Variants in DROSHA observed in about 807,000 individuals in gnomAD.
DROSHA encodes ribonuclease 3.
DROSHA carries 56 observed loss-of-function variants against 181.9 expected under a neutral mutation model. That is an observed-to-expected ratio of 0.31 (90% confidence interval 0.25 to 0.38). The LOEUF (loss-of-function observed/expected upper bound fraction) is 0.38. Among genes scored for constraint, DROSHA ranks in the 10% least tolerant of loss-of-function variants. The pLI, the probability that DROSHA is intolerant of heterozygous loss-of-function variation, is 1.00. For synonymous variants in DROSHA, 524 were observed against 591.2 expected, an observed-to-expected ratio of 0.89 and a Z score of 1.65; for missense variants, 1,218 against 1,743.5, an observed-to-expected ratio of 0.70 and a Z score of 5.37.
At chr5:31,446,727 T>C (rs548319794) in intron 23 of DROSHA, among the ~76,000 whole-genome samples, 1 of 149,244 alleles carries the variant, frequency 6.7e-6, no homozygotes, top group African/African-American at 2.5e-5. Flanking sequence ...CTAAATGCCC[T>C]TCAGTGATAG....
chr5:31,525,094 G>A (rs1411183232), intron 5 of DROSHA, among the ~76,000 whole-genome samples: 1 of 152,022 alleles, frequency 6.6e-6, no homozygotes, highest in African/African-American at 2.4e-5. Context: ...ACTTTGGGAG[G>A]CCGAGGGGGG....
chr5:31,519,430 C>T (rs1739627086), intron 6 of DROSHA, among the ~76,000 whole-genome samples: 1 of 152,170 alleles, frequency 6.6e-6, no homozygotes, highest in East Asian at 1.9e-4. Flanking sequence ...ATCAAACGCA[C>T]TTACAGCACT....
chr5:31,435,712 C>T (rs759552747), intron 25 of DROSHA, 53 bp downstream of exon 25: 21 of 1,526,516 alleles, frequency 1.4e-5, no homozygotes, highest in South Asian at 2.3e-5. Context: ...TATGCATGGA[C>T]CGCAGAAGAG....
In DROSHA at chr5:31,446,318, G is replaced by T. The variant is rs966181309; in HGVS notation, c.2882+2229C>A. Among the ~76,000 whole-genome samples the T allele has an allele frequency of 2.0e-5, 3 of 151,878 alleles. No homozygotes were observed. In the East Asian group the frequency reaches 5.8e-4, roughly 30 times the overall value. On this transcript the variant is annotated intron_variant, in intron 23 of 35. Transcript: ENST00000344624. ...AAAAATTAGCCGGGTGTGGTGGCGG[G>T]CGCCTGTAGTCCCAGCTACTCGGTA...
chr5:31,419,322 A>G (rs1204459320), intron 30 of DROSHA, among the ~76,000 whole-genome samples: 2 of 152,230 alleles, frequency 1.3e-5, no homozygotes, highest in Non-Finnish European at 1.5e-5. Flanking sequence ...ATAATTCAAA[A>G]AGCCTTCACA....
Position 31,401,571 on chromosome 5 carries a change from A to T in DROSHA, c.3995-9T>A. Reference sequence around the variant, plus strand: ...CATCTGGGGAAAATTATCTGACACAAGGAAATATATTTTATATTTAATAAA... The same window carrying T: ...CATCTGGGGAAAATTATCTGACACATGGAAATATATTTTATATTTAATAAA... On this transcript the variant is annotated splice_polypyrimidine_tract_variant and intron_variant, in intron 35 of 35. Coordinates refer to ENST00000344624, the MANE Select transcript of DROSHA (RefSeq NM_001382508.1). 6.5e-7 allele frequency: 1 copy of T among 1,533,822 alleles called. No individual in the cohort carries two copies. The highest frequency in any genetic ancestry group is 8.8e-7 in the Non-Finnish European group (1 of 1,140,096).
intron 16 of DROSHA, among the ~76,000 whole-genome samples, chr5:31,479,687 T>C (rs1412511254): frequency 6.6e-6 from 1 of 152,144 alleles, no homozygotes; most frequent in Admixed American, 6.5e-5. Context: ...GTATTAGATA[T>C]ATATATATTC....
chr5:31,413,253 A>C (rs1741535021), intron 30 of DROSHA, among the ~76,000 whole-genome samples: 1 of 152,196 alleles, frequency 6.6e-6, no homozygotes, highest in Non-Finnish European at 1.5e-5. Flanking sequence ...GGCCAATAAT[A>C]AGTGAGATCT....
At chr5:31,500,563 C>T (rs761565422) in intron 11 of DROSHA, among the ~76,000 whole-genome samples, 1 of 152,210 alleles carries the variant, frequency 6.6e-6, no homozygotes, top group East Asian at 1.9e-4. Flanking sequence ...AAAGTATCTA[C>T]AGCTGGAAAA....
intron 33 of DROSHA, chr5:31,408,595 A>G (rs1283216955): frequency 1.9e-5 from 3 of 158,834 alleles, no homozygotes; most frequent in Admixed American, 5.9e-5. Flanking sequence ...TCTGAGAAGA[A>G]AAGTTCCAAG....
chr5:31,412,285 A>G (rs1377455357), intron 30 of DROSHA, among the ~76,000 whole-genome samples: 1 of 152,178 alleles, frequency 6.6e-6, no homozygotes, highest in Non-Finnish European at 1.5e-5. Flanking sequence ...TACAACTACA[A>G]CTTTTCTTAG....
At chr5:31,413,995 G>A (rs889232296) in intron 30 of DROSHA, among the ~76,000 whole-genome samples, 2 of 152,174 alleles carry the variant, frequency 1.3e-5, no homozygotes, top group South Asian at 2.1e-4. Context: ...GTGAGAGAAG[G>A]GTGGGAAAGG....
At chr5:31,489,672 A>T (rs1752162080) in intron 13 of DROSHA, among the ~76,000 whole-genome samples, 1 of 2,000 alleles carries the variant, frequency 5.0e-4, no homozygotes, top group South Asian at 0.05. Flanking sequence ...CACCCTAGCA[A>T]AAAAACTCAA....
intron 31 of DROSHA, among the ~76,000 whole-genome samples, chr5:31,410,199 C>T (rs3805521): frequency 0.16 from 24,215 of 151,936 alleles, 2,263 homozygotes; most frequent in Non-Finnish European, 0.21. Context: ...AGTGAATGGC[C>T]CACTTATTTT....
At chr5:31,480,205 C>T (rs1169143985) in intron 16 of DROSHA, among the ~76,000 whole-genome samples, 34 of 42,304 alleles carry the variant, frequency 8.0e-4, no homozygotes, top group Non-Finnish European at 1.6e-3. Flanking sequence ...TATATATATA[C>T]TGAAAATACT....
At chr5:31,439,960 A>G (rs758167115) in intron 23 of DROSHA, among the ~76,000 whole-genome samples, 4 of 152,156 alleles carry the variant, frequency 2.6e-5, no homozygotes, top group Non-Finnish European at 5.9e-5. Context: ...AATCTCTCTG[A>G]CACCAACCCA....
intron 23 of DROSHA, among the ~76,000 whole-genome samples, chr5:31,438,788 GA>G (rs1172769876): frequency 6.6e-6 from 1 of 151,934 alleles, no homozygotes; most frequent in East Asian, 1.9e-4. Context: ...CAGCCAGAGG[GA>G]AAAAAAGTTC....
chr5:31,521,368 T>C (rs1429346929), intron 5 of DROSHA, among the ~76,000 whole-genome samples, 153 bp from the exon 6 acceptor site: 1 of 152,194 alleles, frequency 6.6e-6, no homozygotes, highest in African/African-American at 2.4e-5. Context: ...TCTTAATTTA[T>C]TAGAGGATAA....
At chr5:31,460,283 T>C (rs1230845330) in intron 20 of DROSHA, among the ~76,000 whole-genome samples, 1 of 152,174 alleles carries the variant, frequency 6.6e-6, no homozygotes, top group African/African-American at 2.4e-5. Context: ...TCTACAAACA[T>C]AGTGACAGGT....
Sources: allele counts gnomAD v4.1 joint callset (sites outside exome capture counted in the v4.1 genomes callset), GRCh38; gene constraint gnomAD v4.1.1; transcripts MANE v1.5; gene names NCBI Gene and HGNC (gene_info 2026-07-23, HGNC 2026-07-21).